The following AGBL1 variants were observed in gnomAD, a reference collection of about 807,000 sequenced individuals.
AGBL1 encodes cytosolic carboxypeptidase 4.
In AGBL1, 130 loss-of-function variants were observed where a neutral mutation model predicts 118.9. The ratio of observed to expected loss-of-function variants is 1.09; its 90% CI spans 0.95 to 1.26. The LOEUF (loss-of-function observed/expected upper bound fraction) is 1.26. AGBL1 is among the 50% of genes most tolerant of loss of function. AGBL1 has a pLI of 0.00. For missense variants in AGBL1, 1,584 were observed against 1,298.1 expected, an observed-to-expected ratio of 1.22 and a Z score of -3.38; for synonymous variants, 555 against 478.9, an observed-to-expected ratio of 1.16 and a Z score of -2.08.
intron 19 of AGBL1, among the ~76,000 whole-genome samples, chr15:86,533,223 G>A (rs2083374880): frequency 1.2e-5 from 1 of 83,194 alleles, no homozygotes. Context: ...CTGACAAAGG[G>A]CTAATATCCA....
At chr15:86,942,893 G>A (rs1272852368) in intron 23 of AGBL1, among the ~76,000 whole-genome samples, 3 of 152,132 alleles carry the variant, frequency 2.0e-5, no homozygotes, top group Non-Finnish European at 2.9e-5. Context: ...AGTAACAACT[G>A]CCTTTTAAAT....
chr15:86,577,992 C>T (rs951465181), intron 21 of AGBL1, among the ~76,000 whole-genome samples: 2 of 152,186 alleles, frequency 1.3e-5, no homozygotes, highest in Admixed American at 6.5e-5. Context: ...ACACAGAGTC[C>T]CTACTGGGGC....
At chr15:86,794,171 G>A (rs1158311532) in intron 22 of AGBL1, among the ~76,000 whole-genome samples, 2 of 152,150 alleles carry the variant, frequency 1.3e-5, no homozygotes, top group African/African-American at 4.8e-5. Context: ...AGTACTATTT[G>A]CAATAGCCAA....
intron 22 of AGBL1, among the ~76,000 whole-genome samples, chr15:86,847,363 A>G (rs1280400875): frequency 6.6e-6 from 1 of 152,192 alleles, no homozygotes; most frequent in Non-Finnish European, 1.5e-5. Flanking sequence ...ATTGTAGATA[A>G]TGCATTGTGC....
At chr15:86,779,909 G>A (rs1169322255) in intron 22 of AGBL1, among the ~76,000 whole-genome samples, 1 of 123,642 alleles carries the variant, frequency 8.1e-6, no homozygotes, top group Admixed American at 8.7e-5. Flanking sequence ...GTATGTGTTG[G>A]ACACCCCCCC....
rs142810032 is a variant in AGBL1, at chr15:86,569,436, C to T, written c.2994+14899C>T. Among the ~76,000 whole-genome samples the T allele has an allele frequency of 1.2e-3, 175 of 151,822 alleles. No homozygotes were observed. The South Asian group carries it at 0.031, about 27-fold the overall frequency. ...GGAAAAAAAAAAAAAGAGAGAAATC[C>T]GGATGCTAATCTATCATTTTAGTAG... On this transcript the variant is annotated intron_variant, in intron 21 of 22. Transcript: ENST00000614907.
chr15:86,883,526 G>A (rs1346254816), intron 22 of AGBL1, among the ~76,000 whole-genome samples: 1 of 152,128 alleles, frequency 6.6e-6, no homozygotes, highest in Non-Finnish European at 1.5e-5. Context: ...GCCTCCCCCT[G>A]ACAGAGTTAC....
chr15:86,857,379 C>G (rs1383518112), intron 22 of AGBL1, among the ~76,000 whole-genome samples: 1 of 152,188 alleles, frequency 6.6e-6, no homozygotes, highest in African/African-American at 2.4e-5. Flanking sequence ...GTATGGGATT[C>G]TCACCCATCC....
At chr15:86,154,248 C>G (rs1244606721) in intron 3 of AGBL1, among the ~76,000 whole-genome samples, 182 bp from the exon 4 acceptor site, 5 of 152,094 alleles carry the variant, frequency 3.3e-5, no homozygotes, top group Non-Finnish European at 7.3e-5. Context: ...CCTGAATTAG[C>G]TCTTTTGATT....
At chr15:86,137,445 T>A (rs755604870) in intron 1 of AGBL1, among the ~76,000 whole-genome samples, 4 of 152,332 alleles carry the variant, frequency 2.6e-5, no homozygotes, top group African/African-American at 7.2e-5. Context: ...GTGGCTTTTT[T>A]AAGTAAGATA....
At chr15:86,625,207 C>T (rs1160531559) in intron 21 of AGBL1, among the ~76,000 whole-genome samples, 1 of 152,050 alleles carries the variant, frequency 6.6e-6, no homozygotes, top group Non-Finnish European at 1.5e-5. Context: ...CCACTGAATC[C>T]ACAGAGATGG....
chr15:86,399,024 G>A (rs1233932240), intron 18 of AGBL1, among the ~76,000 whole-genome samples: 1 of 151,964 alleles, frequency 6.6e-6, no homozygotes, highest in East Asian at 1.9e-4. Flanking sequence ...ATTATTTGAG[G>A]GCAGAGAATG....
chr15:86,448,415 T>C (rs539330494), intron 18 of AGBL1, among the ~76,000 whole-genome samples: 7 of 152,150 alleles, frequency 4.6e-5, no homozygotes, highest in Non-Finnish European at 1.0e-4. Flanking sequence ...GCTGATATCA[T>C]TGAGGGTAGA....
intron 5 of AGBL1, among the ~76,000 whole-genome samples, chr15:86,212,811 G>C (rs1293758435): frequency 6.6e-6 from 1 of 152,082 alleles, no homozygotes; most frequent in Non-Finnish European, 1.5e-5. Context: ...CACCATGCCT[G>C]GCTAATTTTT....
intron 22 of AGBL1, among the ~76,000 whole-genome samples, chr15:86,691,768 A>C (rs1423316002): frequency 2.0e-5 from 3 of 152,148 alleles, no homozygotes; most frequent in African/African-American, 7.2e-5. Context: ...AAAAATATTA[A>C]GGAACATTAT....
chr15:86,628,065 T>A (rs2084914274), intron 21 of AGBL1, among the ~76,000 whole-genome samples: 1 of 152,204 alleles, frequency 6.6e-6, no homozygotes, highest in Non-Finnish European at 1.5e-5. Context: ...GTCCTCTGTC[T>A]TTCCAAATAG....
At chr15:87,007,910 A>G (rs2081520883) in intron 24 of AGBL1, among the ~76,000 whole-genome samples, 1 of 152,214 alleles carries the variant, frequency 6.6e-6, no homozygotes, top group Non-Finnish European at 1.5e-5. Context: ...TCCGAATGAT[A>G]TTTGTTGAAT....
chr15:86,310,726 G>A (rs937333849), intron 17 of AGBL1, among the ~76,000 whole-genome samples: 4 of 152,134 alleles, frequency 2.6e-5, no homozygotes, highest in African/African-American at 9.7e-5. Flanking sequence ...AGAGCCTGGG[G>A]CCACAGAAGC....
chr15:86,639,104 G>C (rs1032426712), intron 21 of AGBL1, among the ~76,000 whole-genome samples: 1 of 152,182 alleles, frequency 6.6e-6, no homozygotes, highest in African/African-American at 2.4e-5. Flanking sequence ...GTGGAAGTCA[G>C]TCTTCTGCTA....
Sources: gnomAD v4.1 joint callset for allele counts (sites outside exome capture counted in the v4.1 genomes callset) on GRCh38, gnomAD v4.1.1 for gene constraint, MANE v1.5 for transcripts, NCBI Gene and HGNC (gene_info 2026-07-23, HGNC 2026-07-21) for gene names.